The following CNGA1 variants were observed in gnomAD, a reference collection of about 807,000 sequenced individuals.
The protein encoded by CNGA1 is cyclic nucleotide-gated channel alpha-1.
In CNGA1, 53 loss-of-function variants were observed where a neutral mutation model predicts 69.7. The ratio of observed to expected loss-of-function variants is 0.76; its 90% confidence interval spans 0.61 to 0.96. The LOEUF is 0.96. Among genes scored for constraint, CNGA1 ranks in the 40% least tolerant of loss-of-function variants. CNGA1 has a pLI of 0.00. For missense variants in CNGA1, 739 were observed against 811.2 expected, an observed-to-expected ratio of 0.91 and a Z score of 1.08; for synonymous variants, 249 against 283.5, an observed-to-expected ratio of 0.88 and a Z score of 1.22.
At chr4:47,971,261 A>G (rs1578098614) in intron 3 of CNGA1, among the ~76,000 whole-genome samples, 1 of 151,948 alleles carries the variant, frequency 6.6e-6, no homozygotes, top group East Asian at 1.9e-4. Context: ...GGTAACAGTG[A>G]TTGCCTCTGA....
intron 2 of CNGA1, among the ~76,000 whole-genome samples, chr4:47,983,609 A>G (rs1404761196): frequency 6.7e-6 from 1 of 149,100 alleles, no homozygotes; most frequent in Non-Finnish European, 1.5e-5. Context: ...AACAACAAAA[A>G]AAAAGTAAAA....
At chr4:48,013,752 G>A (rs950880238) in intron 1 of CNGA1, among the ~76,000 whole-genome samples, 2 of 152,132 alleles carry the variant, frequency 1.3e-5, no homozygotes, top group Non-Finnish European at 2.9e-5. Flanking sequence ...GAATAATTAA[G>A]GGAAAGGCAA....
intron 2 of CNGA1, among the ~76,000 whole-genome samples, chr4:47,996,864 A>G (rs1742493268): frequency 2.0e-5 from 3 of 152,136 alleles, no homozygotes. Context: ...GTTTGAGATC[A>G]GCCTGGCCAA....
chr4:47,961,619 C>T (rs1740442346), intron 3 of CNGA1, among the ~76,000 whole-genome samples: 1 of 152,154 alleles, frequency 6.6e-6, no homozygotes, highest in African/African-American at 2.4e-5. Context: ...TAGTGCATGC[C>T]TGTGGTCTCA....
At chr4:47,951,201 T>C in intron 5 of CNGA1, 152 bp downstream of exon 5, 1 of 641,164 alleles carries the variant, frequency 1.6e-6, no homozygotes, top group African/African-American at 1.8e-5. Flanking sequence ...TTATGCCTAG[T>C]GTTTGATTAT....
Position 47,937,597 on chromosome 4 carries a change from C to A in CNGA1, c.885G>T (p.Arg295Ser), listed in dbSNP as rs1738753250. Residue 295 changes from arginine (R) to serine (S), a missense_variant, in exon 11 of 11, where the codon AGG becomes AGT. Coordinates refer to ENST00000514170, the MANE Select transcript of CNGA1 (RefSeq NM_001379270.1). The stretch of plus-strand genomic sequence containing the variant: ...CGATATACATAACAAGGTTGGAAAT[C>A]CTGAAGATGTTTGGATAGTTTGTCC... ...ETRTNYPNIFRISNLVMYIVI... is the reference protein window; with the variant it reads ...ETRTNYPNIFSISNLVMYIVI... The A allele has an allele frequency of 6.2e-7, 1 of 1,613,966 alleles. No individual in the cohort carries two copies. The highest frequency in any genetic ancestry group is 1.7e-5 in the Admixed American group (1 of 59,998).
intron 6 of CNGA1, among the ~76,000 whole-genome samples, chr4:47,947,884 T>G (rs1271674910): frequency 2.0e-5 from 3 of 152,100 alleles, no homozygotes; most frequent in Non-Finnish European, 4.4e-5. Context: ...TTGTTTTTAT[T>G]TGTCTGTTTT....
intron 2 of CNGA1, among the ~76,000 whole-genome samples, chr4:47,998,673 G>A (rs879751022): frequency 6.6e-5 from 10 of 152,166 alleles, no homozygotes; most frequent in Non-Finnish European, 8.8e-5. Flanking sequence ...AGCTACTCAG[G>A]AGGCTGAGGC....
chr4:48,009,006 GGTTTA>G (rs149104930), intron 2 of CNGA1, among the ~76,000 whole-genome samples: 79,328 of 151,400 alleles, frequency 0.52, 22,740 homozygotes, highest in Non-Finnish European at 0.64. Flanking sequence ...TCTTGGGCTG[GGTTTA>G]TAGGTTTGTA....
intron 3 of CNGA1, among the ~76,000 whole-genome samples, chr4:47,956,184 G>A (rs1740075288): frequency 6.6e-6 from 1 of 152,208 alleles, no homozygotes; most frequent in Non-Finnish European, 1.5e-5. Flanking sequence ...TAGAAGTGAG[G>A]TGAAGACAAT....
intron 1 of CNGA1, among the ~76,000 whole-genome samples, chr4:48,015,574 T>C (rs1344958668): frequency 2.0e-5 from 3 of 152,160 alleles, no homozygotes; most frequent in Non-Finnish European, 4.4e-5. Context: ...TGGTGAGGGT[T>C]TGAGCCCGAA....
rs1345882902 is a variant in CNGA1, at chr4:47,948,184, GC to G, written c.287+1648del. Reference sequence around the variant, plus strand: ...CTTTGGACCAAGGACCCACTTTAAGGCAAAAAAAAAAAAATGTGGCATTGGA... The same window carrying G: ...CTTTGGACCAAGGACCCACTTTAAGGAAAAAAAAAAAAATGTGGCATTGGA... On this transcript the variant is annotated intron_variant, in intron 6 of 10. Coordinates refer to ENST00000514170, the MANE Select transcript of CNGA1 (RefSeq NM_001379270.1). Among the ~76,000 whole-genome samples, 5 of 123,672 alleles carry G rather than the reference GC, an allele frequency of 4.0e-5. No individual in the cohort carries two copies. In the South Asian group the frequency reaches 1.3e-3, roughly 32 times the overall value. 81.1% of individuals were successfully genotyped at this position (123,672 alleles called of 152,430 possible).
intron 6 of CNGA1, 92 bp downstream of exon 6, chr4:47,949,741 G>A (rs1210501860): frequency 3.4e-6 from 3 of 895,194 alleles, no homozygotes; most frequent in African/African-American, 3.3e-5. Flanking sequence ...ATTAATAAAT[G>A]TTTCCTCTAT....
chr4:47,942,892 A>C (rs1279113414), intron 8 of CNGA1: 1 of 237,666 alleles, frequency 4.2e-6, no homozygotes. Context: ...TCTCAGCGAT[A>C]AGTTATCTTC....
chr4:47,973,069 T>TC (rs1741129313), intron 3 of CNGA1, among the ~76,000 whole-genome samples: 1 of 148,184 alleles, frequency 6.7e-6, no homozygotes, highest in Non-Finnish European at 1.5e-5. Flanking sequence ...GCACCATCTT[T>TC]TTTTTTTTTT....
At chr4:47,950,186 C>T (rs1344144730) in intron 5 of CNGA1, among the ~76,000 whole-genome samples, 5 of 152,182 alleles carry the variant, frequency 3.3e-5, no homozygotes. Context: ...CCATAATCCC[C>T]ACATGCCACG....
At chr4:47,972,976 AG>A (rs1471874767) in intron 3 of CNGA1, among the ~76,000 whole-genome samples, 3 of 152,120 alleles carry the variant, frequency 2.0e-5, no homozygotes, top group African/African-American at 7.2e-5. Flanking sequence ...ACATCACCCA[AG>A]CAGTAAACTA....
intron 3 of CNGA1, among the ~76,000 whole-genome samples, chr4:47,953,895 GCCTTATGCCCTCGGA>G (rs34421138): frequency 0.36 from 55,178 of 151,406 alleles, 10,487 homozygotes; most frequent in East Asian, 0.59. Context: ...CCACACTCGG[GCCTTATGCCCTCGGA>G]CCTTATGCCC....
At chr4:48,001,390 A>C (rs1374683068) in intron 2 of CNGA1, among the ~76,000 whole-genome samples, 2 of 152,158 alleles carry the variant, frequency 1.3e-5, no homozygotes, top group Non-Finnish European at 2.9e-5. Flanking sequence ...AATCACTTGA[A>C]TCTGGGAGGT....
Sources: gnomAD v4.1 joint callset for allele counts (sites outside exome capture counted in the v4.1 genomes callset) on GRCh38, gnomAD v4.1.1 for gene constraint, MANE v1.5 for transcripts, NCBI Gene and HGNC (gene_info 2026-07-23, HGNC 2026-07-21) for gene names.